ZDHHC15: variants seen among roughly 807,000 people sequenced by gnomAD.
ZDHHC15 encodes the protein zDHHC palmitoyltransferase 15, also known as palmitoyltransferase ZDHHC15.
A neutral mutation model predicts 31.7 loss-of-function variants in ZDHHC15; 19 were observed. The ratio of observed to expected loss-of-function variants is 0.60; its 90% CI spans 0.42 to 0.88. The LOEUF (loss-of-function observed/expected upper bound fraction) is 0.88. Among genes scored for constraint, ZDHHC15 ranks in the 40% least tolerant of loss-of-function variants. The probability of loss-of-function intolerance (pLI) is 0.00; values close to 1 mark genes in which losing one functional copy is unlikely to be tolerated. For synonymous variants in ZDHHC15, 103 were observed against 90.0 expected, an observed-to-expected ratio of 1.14 and a Z score of -0.82; for missense variants, 209 against 251.2, an observed-to-expected ratio of 0.83 and a Z score of 1.14.
chrX:75,409,335 AC>A (rs1234281560), intron 10 of ZDHHC15, among the ~76,000 whole-genome samples: 1 of 109,413 alleles, frequency 9.1e-6, no homozygotes, highest in African/African-American at 3.3e-5. Flanking sequence ...CTACTAAAAA[AC>A]AAAAATTAGA....
chrX:75,400,725 C>T (rs1282167148), intron 10 of ZDHHC15, among the ~76,000 whole-genome samples: 1 of 111,361 alleles, frequency 9.0e-6, no homozygotes, highest in African/African-American at 3.3e-5. Context: ...TTAAAGGCAG[C>T]TAGCCAGAAA....
At chrX:75,482,693 T>C (rs1297085990) in intron 2 of ZDHHC15, among the ~76,000 whole-genome samples, 1 of 111,587 alleles carries the variant, frequency 9.0e-6, no homozygotes, top group Admixed American at 9.6e-5. Flanking sequence ...AAGAGCTTTC[T>C]AGTACTCATG....
chrX:75,484,080 T>A (rs1038589621), intron 2 of ZDHHC15, among the ~76,000 whole-genome samples: 2 of 112,415 alleles, frequency 1.8e-5, no homozygotes, highest in Non-Finnish European at 3.8e-5. Context: ...CCATTTGATC[T>A]AATGTATTAA....
intron 2 of ZDHHC15, among the ~76,000 whole-genome samples, chrX:75,489,722 T>A (rs754982548): frequency 2.7e-5 from 3 of 112,065 alleles, no homozygotes; most frequent in Admixed American, 9.5e-5. Flanking sequence ...TCACCAGCAA[T>A]GGAACAAAGC....
intron 4 of ZDHHC15, among the ~76,000 whole-genome samples, chrX:75,433,693 G>GTATA (rs1229259187): frequency 1.2e-3 from 5 of 4,159 alleles, no homozygotes; most frequent in African/African-American, 1.5e-3. Context: ...GTGTGTGTGT[G>GTATA]TGTGTATATA....
intron 2 of ZDHHC15, among the ~76,000 whole-genome samples, chrX:75,491,643 A>G (rs963858940): frequency 9.0e-6 from 1 of 110,944 alleles, no homozygotes; most frequent in Non-Finnish European, 1.9e-5. Context: ...AAATAAAAGA[A>G]AAAAAAGAAA....
chrX:75,419,018 G>T (rs1182068285), intron 9 of ZDHHC15, among the ~76,000 whole-genome samples: 3 of 111,931 alleles, frequency 2.7e-5, no homozygotes, highest in African/African-American at 9.7e-5. Context: ...GAGTGAAGAG[G>T]CAACCTATAG....
chrX:75,503,783 T>C (rs1224180168), intron 2 of ZDHHC15, among the ~76,000 whole-genome samples: 1 of 111,480 alleles, frequency 9.0e-6, no homozygotes, highest in East Asian at 2.8e-4. Flanking sequence ...CTTAAAATAA[T>C]AGAAATTTAT....
intron 2 of ZDHHC15, among the ~76,000 whole-genome samples, chrX:75,503,381 ATATGT>A (rs1195883275): frequency 9.0e-6 from 1 of 111,242 alleles, no homozygotes; most frequent in Admixed American, 9.7e-5. Context: ...TAATCCTGAA[ATATGT>A]TATGCTTCTT....
At position 75,421,851 on chromosome X, in the gene ZDHHC15, A is replaced by G; in HGVS notation, c.863+13T>C. ...TCCAGTACTAACTTCTTCCAGTGGTAATATTTACTCACCTGGAACCAATAG... is the reference window on the plus strand; with the variant it reads ...TCCAGTACTAACTTCTTCCAGTGGTGATATTTACTCACCTGGAACCAATAG... On this transcript the variant is annotated intron_variant, in intron 9 of 11. Coordinates refer to ENST00000373367, the MANE Select transcript of ZDHHC15 (RefSeq NM_144969.3). 8.3e-7 allele frequency: 1 copy of G among 1,205,958 alleles called. No individual in the cohort carries two copies. The highest frequency in any genetic ancestry group is 1.1e-6 in the Non-Finnish European group (1 of 892,834).
chrX:75,494,396 C>T (rs1463934942), intron 2 of ZDHHC15, among the ~76,000 whole-genome samples: 13 of 111,289 alleles, frequency 1.2e-4, no homozygotes, highest in African/African-American at 3.9e-4. Flanking sequence ...CCCCATCAAG[C>T]TACCAATGAC....
intron 4 of ZDHHC15, among the ~76,000 whole-genome samples, chrX:75,443,322 C>G (rs776850175): frequency 2.7e-5 from 3 of 110,823 alleles, no homozygotes; most frequent in Non-Finnish European, 5.7e-5. Context: ...CACACATCTA[C>G]AACTATCTGA....
rs2082978426 is a variant in ZDHHC15, at chrX:75,368,636, C to T, written c.*4342G>A. The T allele has an allele frequency of 1.8e-5, 2 of 111,481 alleles. No homozygotes were observed. Among genetic ancestry groups the T allele is most frequent in the South Asian group, 7.6e-4 (2 of 2,642 alleles). The allele number at this position is 111,481 out of a possible 1,213,427, so 9.2% of individuals were successfully genotyped here. A position where few individuals can be genotyped will look rare whatever the true frequency, so the allele number is the denominator to read the frequency against. On this transcript the variant is annotated 3_prime_UTR_variant, in exon 12 of 12. Transcript: ENST00000373367. ...CACTCTAATATAGTTCATATATTAC[C>T]AAGACCCACTGCCAGCTTTCCTTTT...
At chrX:75,513,157 A>G (rs1413011802) in intron 1 of ZDHHC15, among the ~76,000 whole-genome samples, 2 of 111,480 alleles carry the variant, frequency 1.8e-5, no homozygotes, top group Non-Finnish European at 1.9e-5. Context: ...TTAAAGATTT[A>G]AACGTTAGAC....
chrX:75,468,464 T>C (rs2084449711), intron 3 of ZDHHC15, among the ~76,000 whole-genome samples: 1 of 112,328 alleles, frequency 8.9e-6, no homozygotes, highest in Admixed American at 9.4e-5. Flanking sequence ...TATCCATTTA[T>C]TCACTGATGA....
intron 4 of ZDHHC15, among the ~76,000 whole-genome samples, chrX:75,432,813 T>TA (rs1345941618): frequency 9.1e-6 from 1 of 109,686 alleles, no homozygotes; most frequent in East Asian, 2.9e-4. Context: ...CCTGTCTCTA[T>TA]AAAAAAATAA....
rs1007653510 is a variant in ZDHHC15, at chrX:75,391,397, C to T, written c.968-12199G>A. ...GATAGAAGACCAAACAGATTTAAGC[C>T]AAATAGGACTACATCGAGACATTTG... On this transcript the variant is annotated intron_variant, in intron 10 of 11. Coordinates refer to ENST00000373367, the MANE Select transcript of ZDHHC15 (RefSeq NM_144969.3). 4.5e-5 allele frequency among the ~76,000 whole-genome samples: 5 copies of T among 111,262 alleles called. No individual in the cohort carries two copies. In the Admixed American group the frequency reaches 4.8e-4, roughly 11 times the overall value.
intron 9 of ZDHHC15, 100 bp downstream of exon 9, chrX:75,421,764 A>G: frequency 1.1e-6 from 1 of 951,870 alleles, no homozygotes; most frequent in South Asian, 2.7e-5. Context: ...ATAGAGTTTC[A>G]CACTGGACTG....
chrX:75,421,682 G>A (rs920084684), intron 9 of ZDHHC15, among the ~76,000 whole-genome samples, 182 bp downstream of exon 9: 1 of 105,201 alleles, frequency 9.5e-6, no homozygotes. Flanking sequence ...AAGAAAGCAT[G>A]AGAATATCTA....
Sources: allele counts gnomAD v4.1 joint callset (sites outside exome capture counted in the v4.1 genomes callset), GRCh38; gene constraint gnomAD v4.1.1; transcripts MANE v1.5; gene names NCBI Gene and HGNC (gene_info 2026-07-23, HGNC 2026-07-21).